Variants in HFM1 observed in about 807,000 individuals in gnomAD.
The protein encoded by HFM1 is probable ATP-dependent DNA helicase HFM1.
In HFM1, 169 loss-of-function variants were observed where a neutral mutation model predicts 192.1. The ratio of observed to expected loss-of-function variants is 0.88; its 90% CI spans 0.78 to 1.00. The LOEUF is 1.00. HFM1 is among the 50% of genes least tolerant of loss of function. HFM1 has a pLI of 0.00. For synonymous variants in HFM1, 525 were observed against 537.8 expected (o/e 0.98, Z 0.33); for missense variants, 1,661 against 1,668.0 (o/e 1.00, Z 0.07).
At chr1:91,280,740 A>AAG (rs1667384402) in intron 30 of HFM1, among the ~76,000 whole-genome samples, 2 of 152,040 alleles carry the variant, frequency 1.3e-5, no homozygotes. Flanking sequence ...AAAGCAACCC[A>AAG]CCACTCATGT....
intron 30 of HFM1, among the ~76,000 whole-genome samples, chr1:91,303,113 C>G (rs1649088788): frequency 1.3e-5 from 2 of 152,000 alleles, no homozygotes; most frequent in Admixed American, 1.3e-4. Flanking sequence ...TCATATAATT[C>G]CAGAACACTG....
chr1:91,320,935 G>A lies in HFM1; in HGVS notation c.2583-1545C>T, dbSNP rs150080541. Among the ~76,000 whole-genome samples, 100 of 152,270 alleles carry A rather than the reference G, an allele frequency of 6.6e-4. 1 individual carries two copies. In the East Asian group the frequency reaches 8.9e-3, roughly 14 times the overall value. ...AAAGTATTGATTCGGTTAGAATTAC[G>A]TTCATGACCAGACCATATCAGTTTA... On this transcript the variant is annotated intron_variant, in intron 23 of 38. Transcript: ENST00000370425.
chr1:91,347,902 T>TAA, intron 18 of HFM1, among the ~76,000 whole-genome samples: 1 of 152,262 alleles, frequency 6.6e-6, no homozygotes, highest in South Asian at 2.1e-4. Context: ...GATATACATA[T>TAA]AACAATGTTC....
chr1:91,308,557 G>T (rs917441294), intron 30 of HFM1, among the ~76,000 whole-genome samples: 2 of 151,952 alleles, frequency 1.3e-5, no homozygotes, highest in Admixed American at 6.6e-5. Context: ...ATGTGGTCTT[G>T]CTATGTGGTC....
At chr1:91,344,428 A>G (rs951085713) in intron 19 of HFM1, among the ~76,000 whole-genome samples, 1 of 152,202 alleles carries the variant, frequency 6.6e-6, no homozygotes, top group Non-Finnish European at 1.5e-5. Flanking sequence ...TTTCTTAATT[A>G]CCCACTATTA....
intron 30 of HFM1, among the ~76,000 whole-genome samples, chr1:91,298,129 T>C (rs1162421012): frequency 1.3e-5 from 2 of 152,184 alleles, no homozygotes; most frequent in African/African-American, 4.8e-5. Flanking sequence ...GCACAAGAAG[T>C]ACCTGACGAA....
chr1:91,293,471 G>C (rs1326564740), intron 30 of HFM1, among the ~76,000 whole-genome samples: 1 of 152,008 alleles, frequency 6.6e-6, no homozygotes, highest in East Asian at 1.9e-4. Flanking sequence ...CTGGCCATCA[G>C]AGAAATGCAA....
chr1:91,322,248 T>C (rs1652227351), intron 23 of HFM1, among the ~76,000 whole-genome samples: 1 of 152,170 alleles, frequency 6.6e-6, no homozygotes, highest in African/African-American at 2.4e-5. Context: ...TTTAATGAGA[T>C]GTCAGGAAGA....
At chr1:91,386,084 C>G (rs1244053111) in intron 4 of HFM1, among the ~76,000 whole-genome samples, 1 of 152,198 alleles carries the variant, frequency 6.6e-6, no homozygotes, top group Non-Finnish European at 1.5e-5. Flanking sequence ...TCCTTGCCTG[C>G]TCCTCACCCC....
intron 13 of HFM1, among the ~76,000 whole-genome samples, chr1:91,355,273 C>CA (rs1657562476): frequency 6.6e-6 from 1 of 151,964 alleles, no homozygotes; most frequent in South Asian, 2.1e-4. Flanking sequence ...CAACAAATCA[C>CA]AAACTTATAC....
chr1:91,352,468 T>C (rs1352482468), intron 16 of HFM1, 38 bp downstream of exon 16: 2 of 1,492,146 alleles, frequency 1.3e-6, no homozygotes, highest in Non-Finnish European at 1.8e-6. Context: ...GTTTTTATCA[T>C]GTTTTTAAGT....
chr1:91,326,561 A>G (rs1023333981), intron 20 of HFM1, among the ~76,000 whole-genome samples: 2 of 152,244 alleles, frequency 1.3e-5, no homozygotes, highest in East Asian at 1.9e-4. Flanking sequence ...TTCCTAGACA[A>G]ACAAAAGCTG....
At chr1:91,281,043 G>C (rs1401460115) in intron 30 of HFM1, among the ~76,000 whole-genome samples, 1 of 152,172 alleles carries the variant, frequency 6.6e-6, no homozygotes, top group Non-Finnish European at 1.5e-5. Context: ...TAACCGAAGA[G>C]GGGGCACAAT....
intron 30 of HFM1, among the ~76,000 whole-genome samples, chr1:91,295,002 T>C (rs1647298832): frequency 6.6e-6 from 1 of 152,176 alleles, no homozygotes; most frequent in Non-Finnish European, 1.5e-5. Context: ...TTAAGAGTAG[T>C]AGTTGTTATA....
At chr1:91,331,791 G>T (rs1271772546) in intron 20 of HFM1, among the ~76,000 whole-genome samples, 1 of 152,186 alleles carries the variant, frequency 6.6e-6, no homozygotes, top group Non-Finnish European at 1.5e-5. Context: ...AGCTACTCAG[G>T]AGGCTGAGGC....
chr1:91,373,148 T>A (rs112473238), intron 13 of HFM1, among the ~76,000 whole-genome samples: 5 of 150,148 alleles, frequency 3.3e-5, no homozygotes, highest in Admixed American at 1.3e-4. Context: ...TTTAGTGGAT[T>A]AAAAAAAAAC....
Position 91,389,382 on chromosome 1 carries a change from G to A in HFM1, c.495-3548C>T, listed in dbSNP as rs551505084. 9.2e-5 allele frequency among the ~76,000 whole-genome samples: 14 copies of A among 152,120 alleles called. 1 individual carries two copies. Among genetic ancestry groups the A allele is most frequent in the Middle Eastern group, 3.4e-3 (1 of 294 alleles). ...TTACCATGTTGGTCAGACTGGTCTC[G>A]AACTCCTGACCTTGTGATCTGCCCG... is the stretch of plus-strand genomic sequence containing the variant. On this transcript the variant is annotated intron_variant, in intron 4 of 38. Coordinates refer to ENST00000370425, the MANE Select transcript of HFM1 (RefSeq NM_001017975.6).
intron 30 of HFM1, among the ~76,000 whole-genome samples, chr1:91,284,250 ATT>A (rs201760172): frequency 1.4e-4 from 20 of 148,142 alleles, no homozygotes; most frequent in Admixed American, 8.8e-4. Context: ...TATTATTATT[ATT>A]TTTTTTTTGA....
chr1:91,314,037 C>T lies in HFM1; in HGVS notation c.3164G>A (p.Gly1055Glu), dbSNP rs558746432. The part of the protein sequence containing the change: ...KITDSVLLKA[G>E]SWAKKIAVKR... ...CACAGCAATCTTTTTAGCCCAACTT[C>T]CAGCTTTTAGCAAAACAGAATCCCT... The change falls in exon 29 of 39, where the codon GGA (glycine) becomes GAA (glutamate). Residue 1055 changes from glycine to glutamate, a missense_variant. Gly to Glu is a moderately conservative substitution (Grantham distance 98, BLOSUM62 -2). Coordinates refer to ENST00000370425, the MANE Select transcript of HFM1 (RefSeq NM_001017975.6). 3.4e-5 allele frequency: 55 copies of T among 1,608,280 alleles called. No individual in the cohort carries two copies. The highest frequency in any genetic ancestry group is 2.6e-5 in the Non-Finnish European group (31 of 1,176,086).
Sources: allele counts gnomAD v4.1 joint callset (sites outside exome capture counted in the v4.1 genomes callset), GRCh38; gene constraint gnomAD v4.1.1; transcripts MANE v1.5; gene names NCBI Gene and HGNC (gene_info 2026-07-23, HGNC 2026-07-21).